The following RETREG1 variants were observed in gnomAD, a reference collection of about 807,000 sequenced individuals.
The protein encoded by RETREG1 is family with sequence similarity 134 member B.
RETREG1 carries 44 observed loss-of-function variants against 54.8 expected under a neutral mutation model. That is an observed-to-expected ratio of 0.80 (90% CI 0.63 to 1.03). The LOEUF (loss-of-function observed/expected upper bound fraction) is 1.03. RETREG1 is among the 50% of genes least tolerant of loss of function. RETREG1 has a pLI of 0.00. For synonymous variants in RETREG1, 217 were observed against 238.5 expected, an observed-to-expected ratio of 0.91 and a Z score of 0.83; for missense variants, 554 against 605.1, an observed-to-expected ratio of 0.92 and a Z score of 0.89.
chr5:16,500,757 A>G (rs1044919996), intron 3 of RETREG1, among the ~76,000 whole-genome samples: 3 of 152,166 alleles, frequency 2.0e-5, no homozygotes, highest in African/African-American at 7.2e-5. Context: ...CCATGGCATA[A>G]TATCAATGTT....
At position 16,594,746 on chromosome 5, in the gene RETREG1, C is replaced by G. The variant is rs1464252809; in HGVS notation, c.320+21906G>C. On this transcript the variant is annotated intron_variant, in intron 1 of 8. Transcript: ENST00000306320. This position sits in a 1 kb window ranked among gnomAD's most constrained non-coding sequence, Gnocchi z 4.4. ...AAAAAAACAAAAAACAAAACACAAC[C>G]ACACAAAGCATTTTTCATAGACTAC... is the stretch of plus-strand genomic sequence containing the variant. Among the ~76,000 whole-genome samples the G allele has an allele frequency of 6.6e-6, 1 of 152,016 alleles. No individual in the cohort carries two copies. The highest frequency in any genetic ancestry group is 1.9e-4 in the East Asian group (1 of 5,198).
At chr5:16,521,931 G>A (rs953387498) in intron 3 of RETREG1, among the ~76,000 whole-genome samples, 5 of 152,182 alleles carry the variant, frequency 3.3e-5, no homozygotes, top group African/African-American at 1.2e-4. Context: ...TTCGCTTTGG[G>A]GTGTGGGACA....
intron 1 of RETREG1, among the ~76,000 whole-genome samples, chr5:16,606,881 GA>G (rs1321238368): frequency 6.6e-6 from 1 of 152,164 alleles, no homozygotes; most frequent in Non-Finnish European, 1.5e-5. Flanking sequence ...GTTGTGGCAT[GA>G]AGTTCTGAGC....
intron 3 of RETREG1, among the ~76,000 whole-genome samples, chr5:16,498,589 G>A (rs1463885148): frequency 6.6e-6 from 1 of 152,172 alleles, no homozygotes; most frequent in South Asian, 2.1e-4. Flanking sequence ...GTGCATGCCT[G>A]TAGTTGCAGC....
chr5:16,592,598 G>A (rs1015160683), intron 1 of RETREG1, among the ~76,000 whole-genome samples: 3 of 152,000 alleles, frequency 2.0e-5, no homozygotes, highest in East Asian at 1.9e-4. Flanking sequence ...GTGCATGCAC[G>A]AGTGAGTCCA....
chr5:16,598,317 T>G (rs940807619), intron 1 of RETREG1, among the ~76,000 whole-genome samples: 5 of 152,200 alleles, frequency 3.3e-5, no homozygotes, highest in African/African-American at 1.2e-4. Flanking sequence ...AAGAATGTGC[T>G]GGAAAGGATA....
chr5:16,551,277 C>T (rs930246181), intron 3 of RETREG1, among the ~76,000 whole-genome samples: 5 of 147,378 alleles, frequency 3.4e-5, no homozygotes. Flanking sequence ...AAGCTCCTTC[C>T]CCTCCTCCTC....
chr5:16,589,540 A>AT (rs1402494962), intron 1 of RETREG1, among the ~76,000 whole-genome samples: 1 of 152,012 alleles, frequency 6.6e-6, no homozygotes, highest in Non-Finnish European at 1.5e-5. Flanking sequence ...TAACTTTTAT[A>AT]TTTTTAGTAG....
rs200556720 is a variant in RETREG1 at position 16,534,193 on chromosome 5, T to C, written c.458+31570A>G. 2.6e-5 allele frequency among the ~76,000 whole-genome samples: 4 copies of C among 152,268 alleles called. No individual in the cohort carries two copies. In the South Asian group the frequency reaches 6.2e-4, roughly 24 times the overall value. On this transcript the variant is annotated intron_variant, in intron 3 of 8. Coordinates refer to ENST00000306320, the MANE Select transcript of RETREG1 (RefSeq NM_001034850.3). ...GGCCGGGCATGGTGGCTCACACCTG[T>C]AATCCCAGCATTTTGGGAGGCCAAG...
At chr5:16,566,207 A>G (rs1208866730) in intron 2 of RETREG1, among the ~76,000 whole-genome samples, 1 of 152,218 alleles carries the variant, frequency 6.6e-6, no homozygotes, top group Non-Finnish European at 1.5e-5. Flanking sequence ...CTGCTCAAAA[A>G]GCGCCAATAA....
At chr5:16,534,892 C>T (rs539242620) in intron 3 of RETREG1, among the ~76,000 whole-genome samples, 4 of 152,262 alleles carry the variant, frequency 2.6e-5, no homozygotes, top group East Asian at 1.9e-4. Flanking sequence ...ATTCATTCAT[C>T]GGGCATTTTT....
chr5:16,568,428 C>T (rs1319076878), intron 2 of RETREG1, among the ~76,000 whole-genome samples: 3 of 152,056 alleles, frequency 2.0e-5, no homozygotes, highest in South Asian at 2.1e-4. Context: ...CCCACCACCA[C>T]GCCCGGCTAA....
chr5:16,593,458 G>A lies in RETREG1; in HGVS notation c.321-21356C>T, dbSNP rs1742828363. On this transcript the variant is annotated intron_variant, in intron 1 of 8. Transcript: ENST00000306320. The surrounding 1 kb of genome is among the most constrained non-coding windows in gnomAD (Gnocchi z 4.9). ...GTTTGCTGTTGCTCATTCAGTATTT[G>A]TTGTACAAATGATTCAATTAATGTA... 6.6e-6 allele frequency among the ~76,000 whole-genome samples: 1 copy of A among 152,056 alleles called. No individual in the cohort carries two copies. The highest frequency in any genetic ancestry group is 1.5e-5 in the Non-Finnish European group (1 of 68,036).
At chr5:16,587,686 G>T (rs998695347) in intron 1 of RETREG1, among the ~76,000 whole-genome samples, 2 of 152,174 alleles carry the variant, frequency 1.3e-5, no homozygotes, top group Non-Finnish European at 2.9e-5. Context: ...TTCTGAGATT[G>T]ATGGCATTGC....
At chr5:16,529,115 A>G (rs1240846818) in intron 3 of RETREG1, among the ~76,000 whole-genome samples, 3 of 152,334 alleles carry the variant, frequency 2.0e-5, no homozygotes, top group African/African-American at 7.2e-5. Context: ...GTTCCCTTTT[A>G]TAATCAAATA....
chr5:16,572,850 C>T (rs901381219), intron 1 of RETREG1, among the ~76,000 whole-genome samples: 10 of 152,064 alleles, frequency 6.6e-5, no homozygotes, highest in Non-Finnish European at 4.4e-5. Context: ...CATTTACGCC[C>T]TATTCACTTC....
chr5:16,584,983 TC>T (rs111531584), intron 1 of RETREG1, among the ~76,000 whole-genome samples: 22,007 of 151,482 alleles, frequency 0.15, 1,606 homozygotes, highest in African/African-American at 0.16. Context: ...CTTTTTTTTT[TC>T]CCTAGGGAAG....
rs747446867 is a variant in RETREG1 at position 16,478,955 on chromosome 5, A to T, written c.703T>A (p.Cys235Ser). Residue 235 changes from cysteine to serine, a missense_variant, in exon 6 of 9, where the codon TGT (cysteine) becomes AGT (serine). Around this residue, in one of 4 missense-constraint regions of RETREG1, gnomAD observed 347 missense variants for 412.3 expected, o/e 0.84. Transcript: ENST00000306320. ...TAAATTTTTTGTCCAATATCATTAC[A>T]TTTAAACAATGGACACAAAAATGCA... ...LCAFLCPLFK[C>S]NDIGQKIYSK... 4 of 1,612,226 alleles carry T rather than the reference A, an allele frequency of 2.5e-6. No homozygotes were observed. Among genetic ancestry groups the T allele is most frequent in the Middle Eastern group, 1.7e-4 (1 of 5,902 alleles).
At chr5:16,598,454 G>A (rs1252738476) in intron 1 of RETREG1, among the ~76,000 whole-genome samples, 1 of 152,086 alleles carries the variant, frequency 6.6e-6, no homozygotes, top group Non-Finnish European at 1.5e-5. Flanking sequence ...AACAAACCAG[G>A]GCCGTGTTAC....
Sources: gnomAD v4.1 joint callset for allele counts (sites outside exome capture counted in the v4.1 genomes callset) on GRCh38, gnomAD v4.1.1 for gene constraint, gnomAD v4.1.1 regional missense constraint, Gnocchi (gnomAD v3.1) non-coding constraint, MANE v1.5 for transcripts, NCBI Gene and HGNC (gene_info 2026-07-23, HGNC 2026-07-21) for gene names.